Variants in KIF5C observed in about 807,000 individuals in gnomAD.
KIF5C encodes the protein kinesin heavy chain isoform 5C.
Under a neutral mutation model 125.2 loss-of-function variants are expected in KIF5C, and 18 were observed. That is an observed-to-expected ratio of 0.14 (90% CI 0.10 to 0.21). The LOEUF (loss-of-function observed/expected upper bound fraction) is 0.21. KIF5C is among the 10% of genes least tolerant of loss of function. KIF5C has a pLI of 1.00. For synonymous variants in KIF5C, 405 were observed against 434.0 expected, an observed-to-expected ratio of 0.93 and a Z score of 0.83; for missense variants, 780 against 1,183.8, an observed-to-expected ratio of 0.66 and a Z score of 5.01.
intron 1 of KIF5C, among the ~76,000 whole-genome samples, chr2:148,900,734 A>T (rs1680866036): frequency 6.6e-6 from 1 of 152,230 alleles, no homozygotes; most frequent in Non-Finnish European, 1.5e-5. Context: ...CTGGAGATGC[A>T]TTGGGGACAA....
In KIF5C at chr2:148,946,922, A is replaced by G. The variant is rs776105336; in HGVS notation, c.613A>G (p.Ser205Gly). 1 of 1,613,372 alleles carries G rather than the reference A, an allele frequency of 6.2e-7. No homozygotes were observed. Among genetic ancestry groups the G allele is most frequent in the South Asian group, 1.1e-5 (1 of 90,898 alleles). Residue 205 changes from serine to glycine, a missense_variant, in exon 8 of 26, where the codon AGT becomes GGT. Physicochemically the swap from Ser to Gly is moderately conservative, Grantham distance 56. This residue lies in a region of KIF5C where 207 missense variants were observed against 441.2 expected (regional missense o/e 0.47). Transcript: ENST00000435030. The stretch of plus-strand genomic sequence containing the variant: ...AGACATGAATGAACACAGCTCTAGA[A>G]GTCACAGTATCTTCCTGATAAATAT... ...VTNMNEHSSR[S>G]HSIFLINIKQ...
At position 149,000,090 on chromosome 2, in the gene KIF5C, G is replaced by A. The variant is rs771412153; in HGVS notation, c.2211-333G>A. On this transcript the variant is annotated intron_variant, in intron 19 of 25. Coordinates refer to ENST00000435030, the MANE Select transcript of KIF5C (RefSeq NM_004522.3). ...GTGACTGCATGCCATCCGAGGGGCC[G>A]AGGAAGCAGAGTTCTTCTGACATGG... The A allele has an allele frequency of 2.8e-5, 6 of 213,306 alleles. No homozygotes were observed. The East Asian group carries it at 3.0e-4, about 11-fold the overall frequency. The allele number at this position is 213,306 out of a possible 1,614,324, so 13.2% of individuals were successfully genotyped here. A position where few individuals can be genotyped will look rare whatever the true frequency, so the allele number is the denominator to read the frequency against.
intron 21 of KIF5C, among the ~76,000 whole-genome samples, chr2:149,003,249 C>G (rs1003486162): frequency 2.0e-5 from 3 of 152,276 alleles, no homozygotes; most frequent in Non-Finnish European, 4.4e-5. Context: ...TTCTGCCGCC[C>G]TCCTCAGCGC....
chr2:148,882,072 G>C (rs957072837), intron 1 of KIF5C, among the ~76,000 whole-genome samples: 1 of 152,122 alleles, frequency 6.6e-6, no homozygotes, highest in Non-Finnish European at 1.5e-5. Flanking sequence ...AGTAGGAATT[G>C]AGTGGTTGAG....
At chr2:149,005,593 G>C in intron 22 of KIF5C, 129 bp downstream of exon 22, 1 of 1,350,460 alleles carries the variant, frequency 7.4e-7, no homozygotes, top group South Asian at 1.4e-5. Flanking sequence ...CTGCACACCA[G>C]AGAATGTTAT....
At chr2:148,950,273 A>AATGGGCTGTC in intron 9 of KIF5C, 41 bp from the exon 10 acceptor site, 1 of 1,597,064 alleles carries the variant, frequency 6.3e-7, no homozygotes, top group Non-Finnish European at 8.6e-7. Context: ...TTTTTCTCAG[A>AATGGGCTGTC]ATGGGCTGTC....
chr2:149,017,190 G>T (rs1442112952), intron 25 of KIF5C, among the ~76,000 whole-genome samples: 1 of 152,184 alleles, frequency 6.6e-6, no homozygotes, highest in Non-Finnish European at 1.5e-5. Context: ...CTTTTCTGTT[G>T]TAAGATGGGA....
rs1682584183 is a variant in KIF5C at position 149,023,109 on chromosome 2, A to G, written c.*39A>G. 6.6e-6 allele frequency: 1 copy of G among 152,166 alleles called. No homozygotes were observed. The highest frequency in any genetic ancestry group is 2.4e-5 in the African/African-American group (1 of 41,446). 9.4% of individuals were successfully genotyped at this position (152,166 alleles called of 1,614,324 possible). On this transcript the variant is annotated 3_prime_UTR_variant, in exon 26 of 26. Coordinates refer to ENST00000435030, the MANE Select transcript of KIF5C (RefSeq NM_004522.3). ...CTCCACGTAGCATGTCAAGGACTAC[A>G]TTAATCACCAATTCCTTTATTTTTC...
chr2:148,924,266 A>C lies in KIF5C; in HGVS notation c.217+2039A>C, dbSNP rs1681904061. On this transcript the variant is annotated intron_variant, in intron 2 of 25. Coordinates refer to ENST00000435030, the MANE Select transcript of KIF5C (RefSeq NM_004522.3). This position sits in a 1 kb window ranked among gnomAD's most constrained non-coding sequence, Gnocchi z 4.0. ...TAACCCTATTTAAATCAAGATTGGG[A>C]GGCGGTGCTGTGGAGCCCTTTTTTT... 6.6e-6 allele frequency among the ~76,000 whole-genome samples: 1 copy of C among 152,148 alleles called. No individual in the cohort carries two copies. Among genetic ancestry groups the C allele is most frequent in the African/African-American group, 2.4e-5 (1 of 41,430 alleles).
Position 148,911,569 on chromosome 2 carries a change from C to T in KIF5C, c.127-10568C>T, listed in dbSNP as rs572417496. 4.6e-5 allele frequency among the ~76,000 whole-genome samples: 7 copies of T among 152,174 alleles called. No homozygotes were observed. The South Asian group carries it at 1.5e-3, about 32-fold the overall frequency. ...GGAAGTAGAGGCATGAGAAGACCAA[C>T]CTTCTAAATAGTTTGATAGAGAAAG... On this transcript the variant is annotated intron_variant, in intron 1 of 25. Transcript: ENST00000435030.
intron 1 of KIF5C, among the ~76,000 whole-genome samples, chr2:148,919,822 T>A (rs1037807314): frequency 2.0e-5 from 3 of 152,240 alleles, no homozygotes; most frequent in African/African-American, 7.2e-5. Context: ...TTTACATTTT[T>A]AACTACATAA....
intron 11 of KIF5C, among the ~76,000 whole-genome samples, chr2:148,967,101 A>C (rs1055857508): frequency 6.6e-6 from 1 of 152,174 alleles, no homozygotes; most frequent in Admixed American, 6.5e-5. Context: ...CATATCACAT[A>C]TACTACACTA....
chr2:148,895,434 G>A (rs935253938), intron 1 of KIF5C, among the ~76,000 whole-genome samples: 1 of 151,938 alleles, frequency 6.6e-6, no homozygotes, highest in African/African-American at 2.4e-5. Flanking sequence ...CACCGCACTT[G>A]GCCCTACTTT....
chr2:148,926,594 C>G (rs1369350352), intron 2 of KIF5C, among the ~76,000 whole-genome samples: 2 of 152,178 alleles, frequency 1.3e-5, no homozygotes, highest in Admixed American at 1.3e-4. Flanking sequence ...CTACGGCTCC[C>G]CCTCTGCCTG....
At chr2:148,932,203 A>T (rs188180312) in intron 3 of KIF5C, among the ~76,000 whole-genome samples, 1 of 152,164 alleles carries the variant, frequency 6.6e-6, no homozygotes, top group African/African-American at 2.4e-5. Flanking sequence ...TATGTATTCA[A>T]ATTACACATT....
At chr2:148,905,640 A>G (rs1558882779) in intron 1 of KIF5C, among the ~76,000 whole-genome samples, 1 of 152,304 alleles carries the variant, frequency 6.6e-6, no homozygotes, top group East Asian at 1.9e-4. Context: ...TTTTAAGGAT[A>G]GCACACATGT....
chr2:148,982,748 A>G (rs1045545929), intron 14 of KIF5C, among the ~76,000 whole-genome samples: 2 of 152,232 alleles, frequency 1.3e-5, no homozygotes, highest in Non-Finnish European at 2.9e-5. Flanking sequence ...TTAGTCCTTC[A>G]TGTTACTTGC....
chr2:148,884,427 C>G (rs1343987868), intron 1 of KIF5C: 1 of 152,034 alleles, frequency 6.6e-6, no homozygotes, highest in Non-Finnish European at 1.5e-5. Context: ...TTTCTCTCCC[C>G]CCTTGATTCC....
intron 2 of KIF5C, among the ~76,000 whole-genome samples, chr2:148,926,928 T>C (rs1240456085): frequency 6.6e-6 from 1 of 152,126 alleles, no homozygotes; most frequent in Non-Finnish European, 1.5e-5. Flanking sequence ...TGATTGTAAA[T>C]ACTTTCAGGG....
Sources: gnomAD v4.1 joint callset for allele counts (sites outside exome capture counted in the v4.1 genomes callset) on GRCh38, gnomAD v4.1.1 for gene constraint, gnomAD v4.1.1 regional missense constraint, Gnocchi (gnomAD v3.1) non-coding constraint, MANE v1.5 for transcripts, NCBI Gene and HGNC (gene_info 2026-07-23, HGNC 2026-07-21) for gene names.